Variants in LHFPL6 observed in about 807,000 individuals in gnomAD.
LHFPL6 encodes LHFPL tetraspan subfamily member 6 protein.
A neutral mutation model predicts 20.6 loss-of-function variants in LHFPL6; 9 were observed. The ratio of observed to expected loss-of-function variants is 0.44; its 90% CI spans 0.26 to 0.76. The LOEUF (loss-of-function observed/expected upper bound fraction) is 0.76, where lower values mean the gene tolerates loss of function less well. Ranked by LOEUF, LHFPL6 falls within the 30% of genes least tolerant of loss-of-function variation. The pLI, the probability that LHFPL6 is intolerant of heterozygous loss-of-function variation, is 0.20. For synonymous variants in LHFPL6, 105 were observed against 98.7 expected (o/e 1.06, Z -0.38); for missense variants, 218 against 253.5 (o/e 0.86, Z 0.95).
Position 39,406,125 on chromosome 13 carries a change from A to C in LHFPL6, c.386-27599T>G, listed in dbSNP as rs117577539. On this transcript the variant is annotated intron_variant, in intron 2 of 3. Transcript: ENST00000379589. ...GTCCAGCTCAGTCCTGTGCCACAGA[A>C]AGTGGCTGATAACTCTTTTCCAATA... Among the ~76,000 whole-genome samples, 72 of 152,306 alleles carry C rather than the reference A, an allele frequency of 4.7e-4. 1 individual carries two copies. In the East Asian group the frequency reaches 0.013, roughly 28 times the overall value.
intron 2 of LHFPL6, among the ~76,000 whole-genome samples, chr13:39,460,139 T>G (rs1872657057): frequency 6.6e-6 from 1 of 152,218 alleles, no homozygotes; most frequent in South Asian, 2.1e-4. Flanking sequence ...AATTAGCAAG[T>G]GTTTCAACCA....
intron 2 of LHFPL6, among the ~76,000 whole-genome samples, chr13:39,423,548 T>C (rs181501162): frequency 2.2e-3 from 333 of 152,152 alleles, no homozygotes; most frequent in Non-Finnish European, 4.0e-3. Flanking sequence ...CTCACCTTCC[T>C]GAGTAGCTGG....
At chr13:39,599,065 C>G (rs1183877449) in intron 2 of LHFPL6, among the ~76,000 whole-genome samples, 1 of 152,152 alleles carries the variant, frequency 6.6e-6, no homozygotes, top group East Asian at 1.9e-4. Flanking sequence ...AGGGAAGGAA[C>G]CATAAATCTC....
intron 3 of LHFPL6, among the ~76,000 whole-genome samples, chr13:39,347,734 C>A (rs1438686301): frequency 1.3e-5 from 2 of 152,098 alleles, no homozygotes; most frequent in South Asian, 4.2e-4. Flanking sequence ...TTGAATTATT[C>A]TTTAGCTAGA....
chr13:39,413,462 G>A (rs531508902), intron 2 of LHFPL6, among the ~76,000 whole-genome samples: 15 of 51,986 alleles, frequency 2.9e-4, no homozygotes, highest in African/African-American at 6.6e-4. Flanking sequence ...TAGGAATTGG[G>A]GGTAGGGGGG....
intron 3 of LHFPL6, among the ~76,000 whole-genome samples, chr13:39,345,284 G>A (rs1233806991): frequency 6.6e-6 from 1 of 151,946 alleles, no homozygotes; most frequent in Non-Finnish European, 1.5e-5. Flanking sequence ...AGGCCAAGGC[G>A]GGTGGATCAC....
chr13:39,433,432 G>C (rs901338721), intron 2 of LHFPL6, among the ~76,000 whole-genome samples: 1 of 152,118 alleles, frequency 6.6e-6, no homozygotes, highest in African/African-American at 2.4e-5. Context: ...ATAAAGTAAA[G>C]AGCATGTAAC....
intron 3 of LHFPL6, among the ~76,000 whole-genome samples, chr13:39,366,082 C>G (rs1337008145): frequency 6.6e-6 from 1 of 152,212 alleles, no homozygotes; most frequent in Non-Finnish European, 1.5e-5. Flanking sequence ...AGGAGGGCCC[C>G]ATGGGAGCCT....
At position 39,402,927 on chromosome 13, in the gene LHFPL6, G is replaced by A. The variant is rs551202428; in HGVS notation, c.386-24401C>T. Among the ~76,000 whole-genome samples, 12 of 152,304 alleles carry A rather than the reference G, an allele frequency of 7.9e-5. No individual in the cohort carries two copies. In the South Asian group the frequency reaches 2.5e-3, roughly 32 times the overall value. ...AAAGTAGCTCTCACAGTCTGCTAGAGGTTAGGGCTGTGACTCCCACAGTAC... is the reference window on the plus strand; with the variant it reads ...AAAGTAGCTCTCACAGTCTGCTAGAAGTTAGGGCTGTGACTCCCACAGTAC... On this transcript the variant is annotated intron_variant, in intron 2 of 3. Transcript: ENST00000379589.
chr13:39,473,361 C>G (rs570210189), intron 2 of LHFPL6, among the ~76,000 whole-genome samples: 2 of 150,316 alleles, frequency 1.3e-5, no homozygotes, highest in Admixed American at 1.3e-4. Flanking sequence ...CACACAAACA[C>G]AAATACATTT....
chr13:39,382,257 G>C (rs1385069483), intron 2 of LHFPL6, among the ~76,000 whole-genome samples: 1 of 152,140 alleles, frequency 6.6e-6, no homozygotes, highest in Non-Finnish European at 1.5e-5. Flanking sequence ...TAGAACACTA[G>C]ATTGCCATCT....
intron 2 of LHFPL6, among the ~76,000 whole-genome samples, chr13:39,463,298 C>T (rs1872729123): frequency 6.6e-6 from 1 of 152,110 alleles, no homozygotes; most frequent in Admixed American, 6.5e-5. Flanking sequence ...ATCATGAAAC[C>T]ATTTTGTTCA....
chr13:39,505,778 T>C (rs1021674025), intron 2 of LHFPL6, among the ~76,000 whole-genome samples: 4 of 152,174 alleles, frequency 2.6e-5, no homozygotes, highest in African/African-American at 9.7e-5. Context: ...AGAAACTTCA[T>C]TAGGTCTGTA....
At position 39,343,471 on chromosome 13, in the gene LHFPL6, CTA is replaced by C. The variant is rs1869301750; in HGVS notation, c.*463_*464del. The C allele has an allele frequency of 4.3e-6, 1 of 232,970 alleles. No homozygotes were observed. The highest frequency in any genetic ancestry group is 5.6e-5 in the Admixed American group (1 of 17,732). The allele number at this position is 232,970 out of a possible 1,614,324, so 14.4% of individuals were successfully genotyped here. A position where few individuals can be genotyped will look rare whatever the true frequency, so the allele number is the denominator to read the frequency against. ...TGTGTGCTTTTGGGAGTGCCGTGAC[CTA>C]CAGGGAACATCTTTGGGGGTACCCT... On this transcript the variant is annotated 3_prime_UTR_variant, in exon 4 of 4. Coordinates refer to ENST00000379589, the MANE Select transcript of LHFPL6 (RefSeq NM_005780.3).
chr13:39,368,858 T>G (rs1240487996), intron 3 of LHFPL6, among the ~76,000 whole-genome samples: 1 of 152,192 alleles, frequency 6.6e-6, no homozygotes, highest in Non-Finnish European at 1.5e-5. Context: ...ATTCTATAAA[T>G]GTCCACAGGT....
chr13:39,419,794 A>G (rs1871434540), intron 2 of LHFPL6, among the ~76,000 whole-genome samples: 1 of 152,236 alleles, frequency 6.6e-6, no homozygotes, highest in East Asian at 1.9e-4. Context: ...TTATTTTTCT[A>G]TCTTTTCCTG....
intron 2 of LHFPL6, among the ~76,000 whole-genome samples, chr13:39,517,042 A>G (rs561085642): frequency 3.3e-5 from 5 of 152,336 alleles, no homozygotes; most frequent in Admixed American, 2.6e-4. Context: ...ATCTCCCCAC[A>G]TGACCCAAAA....
chr13:39,486,404 G>A (rs1276100530), intron 2 of LHFPL6, among the ~76,000 whole-genome samples: 1 of 152,066 alleles, frequency 6.6e-6, no homozygotes, highest in East Asian at 1.9e-4. Flanking sequence ...CAGCTAACAC[G>A]GTATTTAAAA....
rs1248901170 is a variant in LHFPL6, at chr13:39,435,073, A to AG, written c.386-56548_386-56547insC. On this transcript the variant is annotated intron_variant, in intron 2 of 3. Coordinates refer to ENST00000379589, the MANE Select transcript of LHFPL6 (RefSeq NM_005780.3). Reference sequence around the variant, plus strand: ...GCGAGACTCCGTCTCAAAAAAAAAAAAAAAAAAAAAAAAAGAAGTAAATCA... The same window carrying AG: ...GCGAGACTCCGTCTCAAAAAAAAAAAGAAAAAAAAAAAAAAGAAGTAAATCA... 8.6e-3 allele frequency among the ~76,000 whole-genome samples: 1,301 copies of AG among 150,630 alleles called. 11 individuals carry two copies. Among genetic ancestry groups the AG allele is most frequent in the Admixed American group, 0.016 (248 of 15,104 alleles).
Sources: allele counts gnomAD v4.1 joint callset (sites outside exome capture counted in the v4.1 genomes callset), GRCh38; gene constraint gnomAD v4.1.1; transcripts MANE v1.5; gene names NCBI Gene and HGNC (gene_info 2026-07-23, HGNC 2026-07-21).